Variants in YWHAH observed in about 807,000 individuals in gnomAD.
YWHAH encodes 14-3-3 protein eta.
A neutral mutation model predicts 22.9 loss-of-function variants in YWHAH; 6 were observed. The ratio of observed to expected loss-of-function variants is 0.26; its 90% CI spans 0.14 to 0.52. The LOEUF is 0.52. YWHAH is among the 20% of genes least tolerant of loss of function. YWHAH has a pLI of 0.97. For synonymous variants in YWHAH, 135 were observed against 124.5 expected (o/e 1.08, Z -0.56); for missense variants, 173 against 308.6 (o/e 0.56, Z 3.29).
intron 1 of YWHAH, among the ~76,000 whole-genome samples, chr22:31,955,246 G>T (rs1289833485): frequency 6.6e-6 from 1 of 152,154 alleles, no homozygotes; most frequent in African/African-American, 2.4e-5. Context: ...TAGCCACACA[G>T]GGCGAAGCTC....
At chr22:31,948,545 ATTAT>A (rs2093838293) in intron 1 of YWHAH, among the ~76,000 whole-genome samples, 1 of 152,098 alleles carries the variant, frequency 6.6e-6, no homozygotes, top group African/African-American at 2.4e-5. Context: ...TGCCCAGCTA[ATTAT>A]TAAATTGTAT....
At chr22:31,949,085 C>T (rs1355013573) in intron 1 of YWHAH, among the ~76,000 whole-genome samples, 2 of 148,930 alleles carry the variant, frequency 1.3e-5, no homozygotes, top group African/African-American at 2.5e-5. Flanking sequence ...GTACCCCTAA[C>T]GTTTTATGTG....
chr22:31,945,307 C>T, intron 1 of YWHAH: 1 of 1,206,416 alleles, frequency 8.3e-7, no homozygotes, highest in African/African-American at 1.6e-5. Flanking sequence ...CTGTTTTGCT[C>T]TGCTCGTTCG....
At chr22:31,950,393 C>G (rs2093841639) in intron 1 of YWHAH, 1 of 779,440 alleles carries the variant, frequency 1.3e-6, no homozygotes, top group South Asian at 1.3e-5. Context: ...GCCCCTACTC[C>G]TGGCTGCAGT....
At chr22:31,952,106 C>G (rs954062542) in intron 1 of YWHAH, among the ~76,000 whole-genome samples, 1 of 152,170 alleles carries the variant, frequency 6.6e-6, no homozygotes, top group African/African-American at 2.4e-5. Flanking sequence ...AGGCTGAAAA[C>G]TATTGTCTAG....
chr22:31,949,239 A>C (rs893930127), intron 1 of YWHAH, among the ~76,000 whole-genome samples: 4 of 145,948 alleles, frequency 2.7e-5, no homozygotes, highest in Non-Finnish European at 5.9e-5. Context: ...TCCCGGGTTC[A>C]AGCAATTCTC....
At chr22:31,945,431 C>G in intron 1 of YWHAH, 1 of 1,303,636 alleles carries the variant, frequency 7.7e-7, no homozygotes, top group South Asian at 1.2e-5. Context: ...GGTGTGGGGC[C>G]CCACTCCACA....
Position 31,957,404 on chromosome 22 carries a change from CT to C in YWHAH, c.*626del, listed in dbSNP as rs34145379. The C allele has an allele frequency of 0.044, 6,358 of 145,228 alleles. 367 individuals are homozygous for C. The highest frequency in any genetic ancestry group is 0.14 in the African/African-American group (5,669 of 39,504). The allele number at this position is 145,228 out of a possible 1,614,324, so 9.0% of individuals were successfully genotyped here. A position where few individuals can be genotyped will look rare whatever the true frequency, so the allele number is the denominator to read the frequency against. On this transcript the variant is annotated 3_prime_UTR_variant, in exon 2 of 2. Transcript: ENST00000248975. ...CATCTGAAAGTTTTGATACTTGTAACTTTTTTTTTTTTTTGGTTGCAATTGT... is the reference window on the plus strand; with the variant it reads ...CATCTGAAAGTTTTGATACTTGTAACTTTTTTTTTTTTTGGTTGCAATTGT...
intron 1 of YWHAH, among the ~76,000 whole-genome samples, chr22:31,952,666 G>T (rs1269274387): frequency 1.3e-5 from 2 of 152,198 alleles, no homozygotes; most frequent in Non-Finnish European, 1.5e-5. Flanking sequence ...ATTCAGACTG[G>T]CAGGCAACCA....
intron 1 of YWHAH, 145 bp downstream of exon 1, chr22:31,944,965 C>G (rs1455411840): frequency 8.9e-7 from 1 of 1,119,596 alleles, no homozygotes; most frequent in African/African-American, 1.6e-5. Flanking sequence ...CCTTAGCCCG[C>G]GCTTCCCGCT....
chr22:31,945,173 C>A, intron 1 of YWHAH: 9 of 1,120,776 alleles, frequency 8.0e-6, no homozygotes, highest in Non-Finnish European at 9.9e-6. Flanking sequence ...AGCGTTTCAC[C>A]GGACCCGGGG....
chr22:31,956,617 C>T lies in YWHAH; in HGVS notation c.566C>T (p.Ala189Val). The change falls in exon 2 of 2, where the codon GCA (alanine) becomes GTA (valine). Residue 189 changes from alanine to valine, a missense_variant. Coordinates refer to ENST00000248975, the MANE Select transcript of YWHAH (RefSeq NM_003405.4). This position sits in a 1 kb window ranked among gnomAD's most constrained non-coding sequence, Gnocchi z 5.1. Reference protein sequence around the residue: ...FSVFYYEIQNAPEQACLLAKQ... With the variant: ...FSVFYYEIQNVPEQACLLAKQ... ...GTGTTCTACTATGAGATCCAGAATGCACCTGAGCAAGCCTGCCTCTTAGCC... is the reference window on the plus strand; with the variant it reads ...GTGTTCTACTATGAGATCCAGAATGTACCTGAGCAAGCCTGCCTCTTAGCC... 6.2e-7 allele frequency: 1 copy of T among 1,614,124 alleles called. No homozygotes were observed. Among genetic ancestry groups the T allele is most frequent in the Non-Finnish European group, 8.5e-7 (1 of 1,180,042 alleles).
intron 1 of YWHAH, among the ~76,000 whole-genome samples, chr22:31,949,244 A>G (rs2093839553): frequency 6.7e-6 from 1 of 149,174 alleles, no homozygotes; most frequent in African/African-American, 2.5e-5. Flanking sequence ...GGTTCAAGCA[A>G]TTCTCCTGCC....
Position 31,956,885 on chromosome 22 carries a change from C to T in YWHAH, c.*93C>T. ...CAATCACTAAATATCTAGTGCTAAA[C>T]CTATCTGTATTGGCAGCACAGCTAC... On this transcript the variant is annotated 3_prime_UTR_variant, in exon 2 of 2. Transcript: ENST00000248975. This position sits in a 1 kb window ranked among gnomAD's most constrained non-coding sequence, Gnocchi z 5.1. 1 of 1,414,562 alleles carries T rather than the reference C, an allele frequency of 7.1e-7. No individual in the cohort carries two copies. The highest frequency in any genetic ancestry group is 2.6e-5 in the Admixed American group (1 of 38,822). 87.6% of individuals were successfully genotyped at this position (1,414,562 alleles called of 1,614,324 possible). A position where few individuals can be genotyped will look rare whatever the true frequency, so the allele number is the denominator to read the frequency against.
At chr22:31,953,857 T>G (rs1401803929) in intron 1 of YWHAH, among the ~76,000 whole-genome samples, 1 of 152,134 alleles carries the variant, frequency 6.6e-6, no homozygotes, top group African/African-American at 2.4e-5. Context: ...TAAGGGTTTG[T>G]AGCAGAAGAG....
At chr22:31,951,719 G>A (rs1041440657) in intron 1 of YWHAH, among the ~76,000 whole-genome samples, 8 of 152,154 alleles carry the variant, frequency 5.3e-5, no homozygotes, top group African/African-American at 1.9e-4. Context: ...AGTAATGTTG[G>A]GGGTAGTCCT....
chr22:31,945,888 C>T (rs1466583876), intron 1 of YWHAH, among the ~76,000 whole-genome samples: 2 of 152,102 alleles, frequency 1.3e-5, no homozygotes. Context: ...TGGCTTAAGT[C>T]TGAGAATTAC....
chr22:31,947,278 G>A (rs896840123), intron 1 of YWHAH: 1 of 393,194 alleles, frequency 2.5e-6, no homozygotes, highest in Non-Finnish European at 5.2e-6. Flanking sequence ...GATGCCACCA[G>A]TCTGTAACCT....
chr22:31,944,578 C>G lies in YWHAH; in HGVS notation c.-156C>G. 1 of 336,196 alleles carries G rather than the reference C, an allele frequency of 3.0e-6. No homozygotes were observed. The highest frequency in any genetic ancestry group is 4.4e-6 in the Non-Finnish European group (1 of 227,482). 20.8% of individuals were successfully genotyped at this position (336,196 alleles called of 1,614,324 possible). On this transcript the variant is annotated 5_prime_UTR_variant, in exon 1 of 2. Transcript: ENST00000248975. ...CAGCGAGAGGGCGCGAGCGGCGGCG[C>G]TGCCTGCAGCCTGCAGCCTGCAGCC...
Sources: allele counts gnomAD v4.1 joint callset (sites outside exome capture counted in the v4.1 genomes callset), GRCh38; gene constraint gnomAD v4.1.1; non-coding constraint Gnocchi (gnomAD v3.1); transcripts MANE v1.5; gene names NCBI Gene and HGNC (gene_info 2026-07-23, HGNC 2026-07-21).